Variants in FKBP5 observed in about 807,000 individuals in gnomAD.
FKBP5 encodes the protein peptidyl-prolyl cis-trans isomerase FKBP5.
Under a neutral mutation model 50.5 loss-of-function variants are expected in FKBP5, and 23 were observed. That is an observed-to-expected ratio of 0.46 (90% CI 0.33 to 0.65). The LOEUF (loss-of-function observed/expected upper bound fraction) is 0.65. Ranked by LOEUF, FKBP5 falls within the 30% of genes least tolerant of loss-of-function variation. The pLI is 0.02. For missense variants in FKBP5, 411 were observed against 553.1 expected, an observed-to-expected ratio of 0.74 and a Z score of 2.58; for synonymous variants, 176 against 190.6, an observed-to-expected ratio of 0.92 and a Z score of 0.63.
At chr6:35,597,204 C>A in intron 6 of FKBP5, 44 bp downstream of exon 6, 1 of 1,605,454 alleles carries the variant, frequency 6.2e-7, no homozygotes, top group South Asian at 1.1e-5. Context: ...ATATCCCTGT[C>A]CTTTAGGTGA....
At chr6:35,595,020 G>A (rs939058350) in intron 6 of FKBP5, among the ~76,000 whole-genome samples, 1 of 152,130 alleles carries the variant, frequency 6.6e-6, no homozygotes, top group African/African-American at 2.4e-5. Flanking sequence ...CACACACTGC[G>A]GGCTCATGTG....
intron 2 of FKBP5, among the ~76,000 whole-genome samples, chr6:35,719,335 G>A (rs954611130): frequency 2.6e-5 from 4 of 152,152 alleles, no homozygotes; most frequent in Non-Finnish European, 2.9e-5. Context: ...TGACTGGAAG[G>A]GGGCACGAAG....
chr6:35,612,102 A>C lies in FKBP5; in HGVS notation c.508+6994T>G, dbSNP rs149727303. ...ATGACATGTAGGAGATAAGAAAAAGAGGAGTCAGCCAGGCACAGTGGCTCA... is the reference window on the plus strand; with the variant it reads ...ATGACATGTAGGAGATAAGAAAAAGCGGAGTCAGCCAGGCACAGTGGCTCA... On this transcript the variant is annotated intron_variant, in intron 5 of 10. Coordinates refer to ENST00000357266, the MANE Select transcript of FKBP5 (RefSeq NM_004117.4). 3.9e-3 allele frequency among the ~76,000 whole-genome samples: 598 copies of C among 152,240 alleles called. 4 individuals are homozygous for C. Among genetic ancestry groups the C allele is most frequent in the African/African-American group, 0.013 (549 of 41,550 alleles).
At chr6:35,716,698 T>C (rs574802403) in intron 2 of FKBP5, among the ~76,000 whole-genome samples, 2 of 152,080 alleles carry the variant, frequency 1.3e-5, no homozygotes, top group South Asian at 2.1e-4. Context: ...ACCCAACTCT[T>C]GAGATCTGGT....
At chr6:35,688,466 G>C (rs1189076359) in intron 1 of FKBP5, among the ~76,000 whole-genome samples, 2 of 151,728 alleles carry the variant, frequency 1.3e-5, no homozygotes, top group East Asian at 1.9e-4. Context: ...CAGTGAGGAC[G>C]GGCGGGCGCG....
chr6:35,652,721 C>T (rs1037679290), intron 1 of FKBP5, among the ~76,000 whole-genome samples: 4 of 152,266 alleles, frequency 2.6e-5, no homozygotes, highest in African/African-American at 7.2e-5. Flanking sequence ...CCTGTGATCT[C>T]GCCCTGCCTC....
In FKBP5 at chr6:35,573,814, C is replaced by G. The variant is rs1581773477; in HGVS notation, c.*2021G>C. On this transcript the variant is annotated 3_prime_UTR_variant, in exon 11 of 11. Coordinates refer to ENST00000357266, the MANE Select transcript of FKBP5 (RefSeq NM_004117.4). ...TGTCTTCTTGAGTGGTAATGGGCAC[C>G]CTGTAGTTATTTGCTCAGAACCACT... is the stretch of plus-strand genomic sequence containing the variant. 1.3e-5 allele frequency: 2 copies of G among 152,042 alleles called. No individual in the cohort carries two copies. Among genetic ancestry groups the G allele is most frequent in the South Asian group, 4.2e-4 (2 of 4,808 alleles). The allele number at this position is 152,042 out of a possible 1,614,324, so 9.4% of individuals were successfully genotyped here.
rs537299952 is a variant in FKBP5 at position 35,613,809 on chromosome 6, A to T, written c.508+5287T>A. On this transcript the variant is annotated intron_variant, in intron 5 of 10. Transcript: ENST00000357266. ...GTCTTTTGAGTGAAAAAGTAAAATC[A>T]ACCATTTAATCTAAAATTTCCCAGG... Among the ~76,000 whole-genome samples the T allele has an allele frequency of 4.7e-4, 72 of 152,342 alleles. 1 individual carries two copies. Among genetic ancestry groups the T allele is most frequent in the African/African-American group, 1.7e-3 (69 of 41,576 alleles).
At chr6:35,602,306 CT>C (rs1763170166) in intron 5 of FKBP5, among the ~76,000 whole-genome samples, 1 of 152,136 alleles carries the variant, frequency 6.6e-6, no homozygotes, top group Non-Finnish European at 1.5e-5. Context: ...ATGCTCCAGC[CT>C]AAAGACATTA....
At chr6:35,601,126 T>C (rs908224383) in intron 5 of FKBP5, among the ~76,000 whole-genome samples, 4 of 152,172 alleles carry the variant, frequency 2.6e-5, no homozygotes, top group African/African-American at 9.7e-5. Context: ...TTATAAATAT[T>C]TTCTACTTTA....
At chr6:35,679,704 A>G (rs1322352056) in intron 1 of FKBP5, among the ~76,000 whole-genome samples, 1 of 152,188 alleles carries the variant, frequency 6.6e-6, no homozygotes, top group Non-Finnish European at 1.5e-5. Context: ...TCTCACCTAT[A>G]AGTGGGAGAT....
Position 35,672,799 on chromosome 6 carries a change from A to G in FKBP5, c.-20+16005T>C, listed in dbSNP as rs577613050. On this transcript the variant is annotated intron_variant, in intron 1 of 10. Coordinates refer to ENST00000357266, the MANE Select transcript of FKBP5 (RefSeq NM_004117.4). ...ACAAAAAATTAGCTGGCGTAGTGGC[A>G]GGCGCCTGTAGCCCAAGCTAGTCGG... 5.6e-4 allele frequency among the ~76,000 whole-genome samples: 85 copies of G among 151,922 alleles called. 2 individuals are homozygous for G. Among genetic ancestry groups the G allele is most frequent in the South Asian group, 4.2e-4 (2 of 4,810 alleles).
rs1762187888 is a variant in FKBP5, at chr6:35,575,651, T to G, written c.*184A>C. Reference sequence around the variant, plus strand: ...ACCTGGAGTGGTCCCGTGCCACCCCTCAGTGAACCCTCCGGGCAGCAGCAG... The same window carrying G: ...ACCTGGAGTGGTCCCGTGCCACCCCGCAGTGAACCCTCCGGGCAGCAGCAG... On this transcript the variant is annotated 3_prime_UTR_variant, in exon 11 of 11. Transcript: ENST00000357266. 1.7e-6 allele frequency: 1 copy of G among 590,188 alleles called. No individual in the cohort carries two copies. Among genetic ancestry groups the G allele is most frequent in the Non-Finnish European group, 3.0e-6 (1 of 329,272 alleles). The allele number at this position is 590,188 out of a possible 1,614,324, so 36.6% of individuals were successfully genotyped here.
At chr6:35,693,349 G>A, upstream of FKBP5, among the ~76,000 whole-genome samples, 1 of 151,674 alleles carries the variant, frequency 6.6e-6, no homozygotes, top group African/African-American at 2.4e-5. Flanking sequence ...ATTTTTAGTA[G>A]AGACGGGGTT....
chr6:35,670,859 A>T (rs985361261), intron 1 of FKBP5, among the ~76,000 whole-genome samples: 5 of 152,216 alleles, frequency 3.3e-5, no homozygotes, highest in Non-Finnish European at 5.9e-5. Context: ...AAAAGGGAAA[A>T]AACTCAGTCA....
intron 9 of FKBP5, among the ~76,000 whole-genome samples, chr6:35,579,198 A>G (rs2150950674): frequency 6.6e-6 from 1 of 152,300 alleles, no homozygotes; most frequent in Non-Finnish European, 1.5e-5. Flanking sequence ...CTGTATGAAA[A>G]AAACGAAAAA....
chr6:35,589,092 TTATA>T (rs201093603), intron 7 of FKBP5, among the ~76,000 whole-genome samples: 1 of 135,986 alleles, frequency 7.4e-6, no homozygotes, highest in African/African-American at 2.9e-5. Flanking sequence ...ATATATATTT[TTATA>T]TATATATATA....
chr6:35,603,492 A>C (rs532924264), intron 5 of FKBP5, among the ~76,000 whole-genome samples: 10 of 152,298 alleles, frequency 6.6e-5, no homozygotes, highest in South Asian at 2.1e-4. Flanking sequence ...ACAGGGTGGT[A>C]ATTTTCACTA....
At chr6:35,611,000 C>T (rs959967276) in intron 5 of FKBP5, among the ~76,000 whole-genome samples, 3 of 152,164 alleles carry the variant, frequency 2.0e-5, no homozygotes, top group Non-Finnish European at 4.4e-5. Context: ...CTGATGATTG[C>T]TGCATAGCCT....
Sources: allele counts gnomAD v4.1 joint callset (sites outside exome capture counted in the v4.1 genomes callset), GRCh38; gene constraint gnomAD v4.1.1; transcripts MANE v1.5; gene names NCBI Gene and HGNC (gene_info 2026-07-23, HGNC 2026-07-21).